Variants in DNAJC1 observed in about 807,000 individuals in gnomAD.
The protein encoded by DNAJC1 is dnaJ homolog subfamily C member 1.
A neutral mutation model predicts 76.6 loss-of-function variants in DNAJC1; 58 were observed. That is an observed-to-expected ratio of 0.76 (90% CI 0.61 to 0.94). DNAJC1 has a LOEUF of 0.94. Among genes scored for constraint, DNAJC1 ranks in the 40% least tolerant of loss-of-function variants. The pLI is 0.00. For missense variants in DNAJC1, 689 were observed against 677.3 expected, an observed-to-expected ratio of 1.02 and a Z score of -0.19; for synonymous variants, 258 against 267.9, an observed-to-expected ratio of 0.96 and a Z score of 0.36.
At position 21,946,779 on chromosome 10, in the gene DNAJC1, A is replaced by G. The variant is rs569579069; in HGVS notation, c.223-17638T>C. On this transcript the variant is annotated intron_variant, in intron 1 of 11. Coordinates refer to ENST00000376980, the MANE Select transcript of DNAJC1 (RefSeq NM_022365.4). ...AGAAACAACCTAAATATCCATCAAA[A>G]GTAGTATCTATCAATAAAATGGGAT... 5.6e-4 allele frequency among the ~76,000 whole-genome samples: 85 copies of G among 152,284 alleles called. 1 individual carries two copies. The highest frequency in any genetic ancestry group is 2.0e-3 in the African/African-American group (84 of 41,546).
At chr10:21,967,356 T>G (rs1357464859) in intron 1 of DNAJC1, among the ~76,000 whole-genome samples, 1 of 152,202 alleles carries the variant, frequency 6.6e-6, no homozygotes. Context: ...TACCATCACA[T>G]GTATCAGTTC....
chr10:21,916,402 T>C (rs949315018), intron 6 of DNAJC1, among the ~76,000 whole-genome samples: 4 of 151,916 alleles, frequency 2.6e-5, no homozygotes, highest in Non-Finnish European at 4.4e-5. Context: ...GGCAGGAGAA[T>C]GGCGTGAACC....
intron 9 of DNAJC1, among the ~76,000 whole-genome samples, chr10:21,774,325 T>C (rs956374453): frequency 2.0e-5 from 3 of 152,132 alleles, no homozygotes; most frequent in Non-Finnish European, 4.4e-5. Flanking sequence ...AAAGAATTCA[T>C]ATAAACTTTT....
chr10:21,781,653 G>A (rs370344354), intron 9 of DNAJC1, among the ~76,000 whole-genome samples: 2 of 150,552 alleles, frequency 1.3e-5, no homozygotes, highest in Admixed American at 6.6e-5. Flanking sequence ...CCTGGGAGGC[G>A]GAGCTTGCAG....
At chr10:21,793,628 T>C (rs1469397419) in intron 9 of DNAJC1, among the ~76,000 whole-genome samples, 1 of 152,148 alleles carries the variant, frequency 6.6e-6, no homozygotes, top group African/African-American at 2.4e-5. Context: ...ATACCAGCAA[T>C]GGACAATTTG....
chr10:21,950,885 G>A (rs1222844352), intron 1 of DNAJC1, among the ~76,000 whole-genome samples: 1 of 152,210 alleles, frequency 6.6e-6, no homozygotes, highest in Non-Finnish European at 1.5e-5. Flanking sequence ...GGAAGCTGCA[G>A]AAGAAAAGTT....
intron 1 of DNAJC1, among the ~76,000 whole-genome samples, chr10:21,955,394 A>G (rs1340860305): frequency 3.9e-5 from 6 of 152,290 alleles, no homozygotes; most frequent in African/African-American, 1.4e-4. Context: ...GAAATAATGG[A>G]GATACAGTGT....
Position 21,882,380 on chromosome 10 carries a change from T to C in DNAJC1, c.880A>G (p.Thr294Ala). The change falls in exon 8 of 12, where the codon ACA becomes GCA. Residue 294 changes from threonine (T) to alanine (A), a missense_variant. Thr to Ala is a moderately conservative substitution (Grantham distance 58, BLOSUM62 0). Coordinates refer to ENST00000376980, the MANE Select transcript of DNAJC1 (RefSeq NM_022365.4). ...CCATGATCATAAGACTGAATATATG[T>C]AGTTTCTAAAGGTGTGTATACAGGA... Reference protein sequence around the residue: ...EFPVYTPLETTYIQSYDHGTS... With the variant: ...EFPVYTPLETAYIQSYDHGTS... The C allele has an allele frequency of 6.3e-7, 1 of 1,597,178 alleles. No individual in the cohort carries two copies. Among genetic ancestry groups the C allele is most frequent in the Non-Finnish European group, 8.5e-7 (1 of 1,173,970 alleles).
chr10:21,799,611 C>CT (rs1427250234), intron 9 of DNAJC1, among the ~76,000 whole-genome samples: 1 of 151,762 alleles, frequency 6.6e-6, no homozygotes, highest in Non-Finnish European at 1.5e-5. Context: ...CCTTTTTTTT[C>CT]TTTTCCACAT....
chr10:21,886,135 T>C, intron 7 of DNAJC1, among the ~76,000 whole-genome samples: 1 of 151,960 alleles, frequency 6.6e-6, no homozygotes, highest in East Asian at 1.9e-4. Context: ...TTAGAAATGA[T>C]GAAGGGTGTC....
At chr10:21,928,303 T>C (rs1209843870) in intron 3 of DNAJC1, among the ~76,000 whole-genome samples, 1 of 152,192 alleles carries the variant, frequency 6.6e-6, no homozygotes, top group African/African-American at 2.4e-5. Context: ...ATCCTGAAGC[T>C]TGTATGTATC....
intron 8 of DNAJC1, among the ~76,000 whole-genome samples, chr10:21,844,654 C>G (rs1025027690): frequency 1.3e-5 from 2 of 152,058 alleles, no homozygotes; most frequent in Admixed American, 1.3e-4. Context: ...ACTAATACAT[C>G]CACAATAGTC....
intron 1 of DNAJC1, among the ~76,000 whole-genome samples, chr10:21,984,333 G>A (rs188269675): frequency 1.1e-4 from 17 of 152,082 alleles, no homozygotes; most frequent in Non-Finnish European, 2.2e-4. Context: ...CAGTTCCAGG[G>A]GCAGTTATGG....
In DNAJC1 at chr10:21,801,900, A is replaced by C. The variant is rs149900826; in HGVS notation, c.1098+4080T>G. On this transcript the variant is annotated intron_variant, in intron 9 of 11. Transcript: ENST00000376980. ...AAACTAACGCAGGAATAAAAAACCA[A>C]ATACCACATGTTCTCACTTGTAAGC... 1.5e-3 allele frequency among the ~76,000 whole-genome samples: 235 copies of C among 152,330 alleles called. 2 individuals are homozygous for C. Among genetic ancestry groups the C allele is most frequent in the African/African-American group, 5.4e-3 (225 of 41,584 alleles).
In DNAJC1 at chr10:21,976,908, C is replaced by T. The variant is rs59825328; in HGVS notation, c.222+26305G>A. ...CCGCCGGCCCACCCACTAGGCTCCC[C>T]TATTTCTCTTTTCTTCCGTAACAAC... On this transcript the variant is annotated intron_variant, in intron 1 of 11. Coordinates refer to ENST00000376980, the MANE Select transcript of DNAJC1 (RefSeq NM_022365.4). Among the ~76,000 whole-genome samples, 866 of 152,240 alleles carry T rather than the reference C, an allele frequency of 5.7e-3. 10 individuals are homozygous for T. Among genetic ancestry groups the T allele is most frequent in the African/African-American group, 0.02 (820 of 41,550 alleles).
chr10:21,837,803 G>A (rs990443551), intron 8 of DNAJC1, among the ~76,000 whole-genome samples: 2 of 142,348 alleles, frequency 1.4e-5, no homozygotes, highest in South Asian at 4.4e-4. Context: ...CGCCCGGCCA[G>A]CCGCCCCGTC....
intron 9 of DNAJC1, among the ~76,000 whole-genome samples, chr10:21,777,210 C>T (rs1391207202): frequency 1.3e-5 from 2 of 152,060 alleles, no homozygotes; most frequent in East Asian, 1.9e-4. Flanking sequence ...AAAGTAGACA[C>T]CATTCTTTAG....
rs1392417728 is a variant in DNAJC1, at chr10:21,904,627, T to G, written c.730-15A>C. ...TGCCCAGCATCCTTAAGAAAAAAAG[T>G]TATACATAAATTAACATAAAAATCA... On this transcript the variant is annotated splice_polypyrimidine_tract_variant and intron_variant, in intron 6 of 11. Transcript: ENST00000376980. 4 of 1,503,654 alleles carry G rather than the reference T, an allele frequency of 2.7e-6. No individual in the cohort carries two copies. Among genetic ancestry groups the G allele is most frequent in the Non-Finnish European group, 3.7e-6 (4 of 1,094,248 alleles). The allele number at this position is 1,503,654 out of a possible 1,614,324, so 93.1% of individuals were successfully genotyped here. A position where few individuals can be genotyped will look rare whatever the true frequency, so the allele number is the denominator to read the frequency against.
At chr10:21,806,976 T>C (rs1463964283) in intron 8 of DNAJC1, among the ~76,000 whole-genome samples, 1 of 152,120 alleles carries the variant, frequency 6.6e-6, no homozygotes, top group African/African-American at 2.4e-5. Flanking sequence ...GAGAAATAAA[T>C]TATTATCAAA....
Sources: allele counts gnomAD v4.1 joint callset (sites outside exome capture counted in the v4.1 genomes callset), GRCh38; gene constraint gnomAD v4.1.1; transcripts MANE v1.5; gene names NCBI Gene and HGNC (gene_info 2026-07-23, HGNC 2026-07-21).